Variants in ARHGAP6 observed in about 807,000 individuals in gnomAD.
ARHGAP6 encodes Rho GTPase activating protein 6.
ARHGAP6 carries 16 observed loss-of-function variants against 55.7 expected under a neutral mutation model. The observed-to-expected ratio is 0.29, with a 90% CI of 0.19 to 0.44. The LOEUF (loss-of-function observed/expected upper bound fraction) is 0.44, where lower values mean the gene tolerates loss of function less well. Among genes scored for constraint, ARHGAP6 ranks in the 20% least tolerant of loss-of-function variants. ARHGAP6 has a pLI of 1.00. For synonymous variants in ARHGAP6, 382 were observed against 360.9 expected (o/e 1.06, Z -0.66); for missense variants, 698 against 808.9 (o/e 0.86, Z 1.66).
At chrX:11,461,269 G>C (rs1215065348) in intron 1 of ARHGAP6, among the ~76,000 whole-genome samples, 2 of 112,217 alleles carry the variant, frequency 1.8e-5, no homozygotes, top group Non-Finnish European at 3.8e-5. Flanking sequence ...ACAGGCTGTG[G>C]GGAAGGAATT....
intron 2 of ARHGAP6, among the ~76,000 whole-genome samples, chrX:11,199,003 T>C (rs1037046167): frequency 8.9e-6 from 1 of 112,416 alleles, no homozygotes; most frequent in African/African-American, 3.2e-5. Context: ...ATTTTGTTTT[T>C]CCTGTTTTGG....
At chrX:11,271,784 T>C (rs2047696630) in intron 1 of ARHGAP6, among the ~76,000 whole-genome samples, 4 of 111,933 alleles carry the variant, frequency 3.6e-5, no homozygotes, top group Admixed American at 2.8e-4. Context: ...AGTTAACTCA[T>C]CTAAATCTTG....
At chrX:11,338,916 C>A (rs1222386761) in intron 1 of ARHGAP6, among the ~76,000 whole-genome samples, 2 of 111,947 alleles carry the variant, frequency 1.8e-5, no homozygotes, top group Non-Finnish European at 3.8e-5. Flanking sequence ...TCACTAGCCA[C>A]TTGCTCTAGG....
chrX:11,510,602 G>T (rs1386224534), intron 1 of ARHGAP6, among the ~76,000 whole-genome samples: 1 of 111,152 alleles, frequency 9.0e-6, no homozygotes, highest in African/African-American at 3.3e-5. Flanking sequence ...AGAATCCAAG[G>T]TCACATGGAT....
Position 11,362,514 on chromosome X carries a change from G to A in ARHGAP6, c.589-107807C>T, listed in dbSNP as rs745597793. 1.1e-4 allele frequency among the ~76,000 whole-genome samples: 12 copies of A among 109,749 alleles called. No homozygotes were observed. The South Asian group carries it at 1.6e-3, about 15-fold the overall frequency. On this transcript the variant is annotated intron_variant, in intron 1 of 12. Transcript: ENST00000337414. ...ACTCTGGGGACTGTTGTGGGGTGGC[G>A]GAAGGGGGGAGGGTTAGCATTAGGA...
intron 1 of ARHGAP6, among the ~76,000 whole-genome samples, chrX:11,471,222 G>T (rs1238127527): frequency 1.8e-5 from 2 of 111,371 alleles, no homozygotes; most frequent in African/African-American, 3.3e-5. Flanking sequence ...AATTTAAAAA[G>T]AATGTAGTAA....
chrX:11,225,327 T>G (rs763561128), intron 2 of ARHGAP6, among the ~76,000 whole-genome samples: 27 of 111,386 alleles, frequency 2.4e-4, no homozygotes, highest in Non-Finnish European at 4.5e-4. Flanking sequence ...TAAAAAAGAA[T>G]GTTTCTTAGG....
chrX:11,473,820 A>G (rs966161985), intron 1 of ARHGAP6, among the ~76,000 whole-genome samples: 3 of 112,215 alleles, frequency 2.7e-5, no homozygotes, highest in African/African-American at 9.7e-5. Flanking sequence ...CATTTTAAGT[A>G]CATGTGAATT....
At chrX:11,176,691 G>A (rs2046230602) in intron 8 of ARHGAP6, among the ~76,000 whole-genome samples, 1 of 110,612 alleles carries the variant, frequency 9.0e-6, no homozygotes, top group Non-Finnish European at 1.9e-5. Context: ...TCATGCTACA[G>A]CTTCTGTTAT....
chrX:11,575,385 C>T (rs374553942), intron 1 of ARHGAP6, among the ~76,000 whole-genome samples: 5 of 111,794 alleles, frequency 4.5e-5, no homozygotes, highest in African/African-American at 6.5e-5. Flanking sequence ...CTTGATGCAG[C>T]AACAGGACTA....
chrX:11,542,798 C>G (rs2051172226), intron 1 of ARHGAP6, among the ~76,000 whole-genome samples: 1 of 111,853 alleles, frequency 8.9e-6, no homozygotes, highest in Non-Finnish European at 1.9e-5. Flanking sequence ...TCTGTCACAT[C>G]TTGGATGTGA....
intron 1 of ARHGAP6, among the ~76,000 whole-genome samples, chrX:11,328,162 G>A (rs1234485282): frequency 8.9e-6 from 1 of 112,088 alleles, no homozygotes; most frequent in Non-Finnish European, 1.9e-5. Context: ...TCATTTCATC[G>A]TGAAGGAAGG....
intron 1 of ARHGAP6, among the ~76,000 whole-genome samples, chrX:11,287,404 G>C (rs750995764): frequency 5.7e-4 from 64 of 112,006 alleles, no homozygotes; most frequent in African/African-American, 1.9e-3. Context: ...CGTCTGCTCT[G>C]ACTCTCAATG....
intron 1 of ARHGAP6, among the ~76,000 whole-genome samples, chrX:11,644,110 T>C (rs2052503575): frequency 9.0e-6 from 1 of 111,479 alleles, no homozygotes; most frequent in African/African-American, 3.3e-5. Context: ...TACTTTAGGT[T>C]CTTAGAAGCT....
chrX:11,250,740 T>C (rs1002045713), intron 2 of ARHGAP6, among the ~76,000 whole-genome samples: 10 of 111,734 alleles, frequency 8.9e-5, no homozygotes, highest in Admixed American at 6.6e-4. Flanking sequence ...TGTGATTAGT[T>C]TGAGCCCACC....
At chrX:11,579,094 G>C (rs1003124887) in intron 1 of ARHGAP6, among the ~76,000 whole-genome samples, 2 of 110,004 alleles carry the variant, frequency 1.8e-5, no homozygotes, top group Non-Finnish European at 3.8e-5. Flanking sequence ...CGTACATGAC[G>C]AATTAATGGG....
At chrX:11,231,168 G>C (rs1426234648) in intron 2 of ARHGAP6, among the ~76,000 whole-genome samples, 2 of 112,068 alleles carry the variant, frequency 1.8e-5, no homozygotes, top group Admixed American at 1.9e-4. Context: ...TGGTAAGACA[G>C]GTAACTTTAA....
At chrX:11,580,227 C>T (rs758344591) in intron 1 of ARHGAP6, among the ~76,000 whole-genome samples, 1 of 112,340 alleles carries the variant, frequency 8.9e-6, no homozygotes, top group East Asian at 2.8e-4. Flanking sequence ...TTGATTTTTT[C>T]ATTTGCAGTT....
chrX:11,211,245 T>C (rs1316979106), intron 2 of ARHGAP6, among the ~76,000 whole-genome samples: 15 of 101,100 alleles, frequency 1.5e-4, no homozygotes, highest in East Asian at 3.0e-4. Flanking sequence ...TTTTTTGAGA[T>C]GGAGTTTCCT....
Sources: gnomAD v4.1 joint callset for allele counts (sites outside exome capture counted in the v4.1 genomes callset) on GRCh38, gnomAD v4.1.1 for gene constraint, MANE v1.5 for transcripts, NCBI Gene and HGNC (gene_info 2026-07-23, HGNC 2026-07-21) for gene names.